GCLC: variants seen among roughly 807,000 people sequenced by gnomAD.
GCLC encodes glutamate--cysteine ligase catalytic subunit.
Under a neutral mutation model 81.5 loss-of-function variants are expected in GCLC, and 30 were observed. The ratio of observed to expected loss-of-function variants is 0.37; its 90% CI spans 0.28 to 0.50. The LOEUF (loss-of-function observed/expected upper bound fraction) is 0.50. Ranked by LOEUF, GCLC falls within the 20% of genes least tolerant of loss-of-function variation. The pLI is 0.96. For synonymous variants in GCLC, 262 were observed against 273.3 expected, an observed-to-expected ratio of 0.96 and a Z score of 0.41; for missense variants, 556 against 777.4, an observed-to-expected ratio of 0.72 and a Z score of 3.39.
intron 6 of GCLC, among the ~76,000 whole-genome samples, chr6:53,511,119 C>G (rs1764730455): frequency 6.6e-6 from 1 of 151,038 alleles, no homozygotes; most frequent in African/African-American, 2.4e-5. Flanking sequence ...GATCTTTCTT[C>G]CCATTCTCTA....
At chr6:53,538,136 C>CTTTTTTTTTTTTTTT (rs10588842) in intron 1 of GCLC, among the ~76,000 whole-genome samples, 1 of 78,904 alleles carries the variant, frequency 1.3e-5, no homozygotes. Context: ...TTTTTCTTTC[C>CTTTTTTTTTTTTTTT]TTTTTTTTTT....
chr6:53,530,533 A>G (rs1308287758), intron 1 of GCLC, among the ~76,000 whole-genome samples: 2 of 152,220 alleles, frequency 1.3e-5, no homozygotes, highest in African/African-American at 4.8e-5. Flanking sequence ...CACAGGCTGC[A>G]TAACTATCAA....
intron 1 of GCLC, among the ~76,000 whole-genome samples, chr6:53,534,075 G>A (rs1052652049): frequency 2.0e-5 from 3 of 152,176 alleles, no homozygotes; most frequent in East Asian, 1.9e-4. Flanking sequence ...GATTACAGGC[G>A]TGAACCATCA....
intron 7 of GCLC, 69 bp downstream of exon 7, chr6:53,509,107 G>C (rs1764682965): frequency 3.1e-6 from 3 of 962,408 alleles, no homozygotes; most frequent in Non-Finnish European, 5.1e-6. Flanking sequence ...CACACTGTCA[G>C]TAAATTCTGC....
rs778119262 is a variant in GCLC, at chr6:53,514,315, T to C, written c.642A>G (p.Pro214=). 1.3e-6 allele frequency: 2 copies of C among 1,595,216 alleles called. No individual in the cohort carries two copies. Among genetic ancestry groups the C allele is most frequent in the South Asian group, 1.1e-5 (1 of 90,688 alleles). Residue 214 remains proline, a synonymous_variant, in exon 6 of 16, where the codon CCA becomes CCG. Coordinates refer to ENST00000650454, the MANE Select transcript of GCLC (RefSeq NM_001498.4). ...CAGTAAATGTTTCTATAAATGGAGA[T>C]GGTGTATTCTTGTCCTTAAATACTG... is the stretch of plus-strand genomic sequence containing the variant. The part of the protein sequence containing the change: ...NVPIFKDKNT[P]SPFIETFTED...
Position 53,506,678 on chromosome 6 carries a change from TGA to T in GCLC, c.1197+233_1197+234del. 2.1e-6 allele frequency: 1 copy of T among 484,580 alleles called. No homozygotes were observed. The highest frequency in any genetic ancestry group is 3.6e-5 in the Admixed American group (1 of 27,858). The allele number at this position is 484,580 out of a possible 1,614,324, so 30.0% of individuals were successfully genotyped here. A position where few individuals can be genotyped will look rare whatever the true frequency, so the allele number is the denominator to read the frequency against. The stretch of plus-strand genomic sequence containing the variant: ...CAATAAAAAAAAAAATTAGAATCAG[TGA>T]GATAAACAGTAAGAATCGTAAAATA... On this transcript the variant is annotated intron_variant, in intron 10 of 15. Coordinates refer to ENST00000650454, the MANE Select transcript of GCLC (RefSeq NM_001498.4). This position sits in a 1 kb window ranked among gnomAD's most constrained non-coding sequence, Gnocchi z 4.0.
intron 1 of GCLC, among the ~76,000 whole-genome samples, chr6:53,532,828 T>C (rs1161667056): frequency 1.3e-5 from 2 of 152,136 alleles, no homozygotes; most frequent in Non-Finnish European, 2.9e-5. Context: ...ACTAGGAACA[T>C]CTGTTTTGGG....
chr6:53,500,435 T>C lies in GCLC; in HGVS notation c.1474A>G (p.Lys492Glu), dbSNP rs1303617986. ...GMFYFRKDIC[K>E]GGNAVVDGCG... ...GAAATCTAAGATAATGTAATACCTT[T>C]GCAAATATCTTTCCTGAAATAAAAC... Residue 492 changes from lysine (K) to glutamate (E), a missense_variant, in exon 13 of 16, where the codon AAA (lysine) becomes GAA (glutamate). Physicochemically the swap from Lys to Glu is moderately conservative, Grantham distance 56 (BLOSUM62 1). Coordinates refer to ENST00000650454, the MANE Select transcript of GCLC (RefSeq NM_001498.4). 2.5e-6 allele frequency: 4 copies of C among 1,609,354 alleles called. No homozygotes were observed. The highest frequency in any genetic ancestry group is 8.5e-7 in the Non-Finnish European group (1 of 1,175,718).
At chr6:53,520,693 G>T in intron 3 of GCLC, 85 bp downstream of exon 3, 3 of 1,061,532 alleles carry the variant, frequency 2.8e-6, no homozygotes, top group Non-Finnish European at 3.0e-6. Flanking sequence ...AGGATTGTAA[G>T]GTGGAATGCC....
intron 12 of GCLC, among the ~76,000 whole-genome samples, chr6:53,504,539 G>C (rs1421674434): frequency 6.6e-6 from 1 of 152,188 alleles, no homozygotes; most frequent in Non-Finnish European, 1.5e-5. Context: ...CTCCCCAGTA[G>C]GTAGGCATGA....
chr6:53,529,911 T>G (rs935036106), intron 1 of GCLC, among the ~76,000 whole-genome samples: 5 of 152,254 alleles, frequency 3.3e-5, no homozygotes, highest in Admixed American at 2.6e-4. Context: ...CATCCCCCAG[T>G]GGGCGGTGCC....
intron 12 of GCLC, among the ~76,000 whole-genome samples, chr6:53,501,531 C>T (rs923255309): frequency 1.3e-5 from 2 of 152,190 alleles, no homozygotes; most frequent in South Asian, 4.1e-4. Flanking sequence ...ATAATGAAAT[C>T]TTATGTGGGA....
intron 1 of GCLC, among the ~76,000 whole-genome samples, chr6:53,533,619 G>A (rs1763208601): frequency 6.6e-6 from 1 of 151,994 alleles, no homozygotes; most frequent in South Asian, 2.1e-4. Context: ...ATTTTCATAA[G>A]TTACAGAGTA....
chr6:53,498,572 T>C lies in GCLC; in HGVS notation c.*184A>G. 2 of 620,644 alleles carry C rather than the reference T, an allele frequency of 3.2e-6. No individual in the cohort carries two copies. Among genetic ancestry groups the C allele is most frequent in the Non-Finnish European group, 5.8e-6 (2 of 346,682 alleles). 38.4% of individuals were successfully genotyped at this position (620,644 alleles called of 1,614,324 possible). On this transcript the variant is annotated 3_prime_UTR_variant, in exon 16 of 16. Coordinates refer to ENST00000650454, the MANE Select transcript of GCLC (RefSeq NM_001498.4). Reference sequence around the variant, plus strand: ...TGTTAATCAAAAATACTTTACTATGTACATGTACACTGTATAAACTCTAGA... The same window carrying C: ...TGTTAATCAAAAATACTTTACTATGCACATGTACACTGTATAAACTCTAGA...
At chr6:53,520,708 T>C in intron 3 of GCLC, 70 bp downstream of exon 3, 1 of 1,271,314 alleles carries the variant, frequency 7.9e-7, no homozygotes, top group Non-Finnish European at 1.2e-6. Context: ...AATGCCCGGG[T>C]CGTGACTTGC....
At chr6:53,523,417 T>C (rs968716209) in intron 1 of GCLC, 3 of 152,238 alleles carry the variant, frequency 2.0e-5, no homozygotes, top group Non-Finnish European at 4.4e-5. Flanking sequence ...CCTTTGCACA[T>C]GGCACCAATA....
At chr6:53,504,044 T>C (rs953289620) in intron 12 of GCLC, among the ~76,000 whole-genome samples, 3 of 152,208 alleles carry the variant, frequency 2.0e-5, no homozygotes, top group African/African-American at 7.2e-5. Flanking sequence ...AAGAACTCTT[T>C]CCAAAGCTGA....
intron 1 of GCLC, among the ~76,000 whole-genome samples, chr6:53,528,035 T>C (rs561242060): frequency 6.6e-6 from 1 of 152,280 alleles, no homozygotes; most frequent in South Asian, 2.1e-4. Context: ...AAAATGGTAA[T>C]GACAAATTTT....
chr6:53,540,402 C>T (rs1476992365), intron 1 of GCLC, among the ~76,000 whole-genome samples: 1 of 150,238 alleles, frequency 6.7e-6, no homozygotes, highest in Non-Finnish European at 1.5e-5. Context: ...AAGTGAAATA[C>T]ATCGGTCACA....
Sources: gnomAD v4.1 joint callset for allele counts (sites outside exome capture counted in the v4.1 genomes callset) on GRCh38, gnomAD v4.1.1 for gene constraint, Gnocchi (gnomAD v3.1) non-coding constraint, MANE v1.5 for transcripts, NCBI Gene and HGNC (gene_info 2026-07-23, HGNC 2026-07-21) for gene names.